The following OSBPL8 variants were observed in gnomAD, a reference collection of about 807,000 sequenced individuals.
OSBPL8 encodes the protein oxysterol-binding protein-related protein 8.
OSBPL8 carries 59 observed loss-of-function variants against 125.5 expected under a neutral mutation model. The ratio of observed to expected loss-of-function variants is 0.47; its 90% CI spans 0.38 to 0.58. The LOEUF (loss-of-function observed/expected upper bound fraction) is 0.58, where lower values mean the gene tolerates loss of function less well. OSBPL8 is among the 20% of genes least tolerant of loss of function. The pLI, the probability that OSBPL8 is intolerant of heterozygous loss-of-function variation, is 0.00. For synonymous variants in OSBPL8, 330 were observed against 338.9 expected (o/e 0.97, Z 0.29); for missense variants, 758 against 1,047.8 (o/e 0.72, Z 3.82).
chr12:76,360,261 T>C (rs1952147692), intron 21 of OSBPL8, among the ~76,000 whole-genome samples: 1 of 152,254 alleles, frequency 6.6e-6, no homozygotes, highest in Non-Finnish European at 1.5e-5. Flanking sequence ...CATGCAAGTC[T>C]GAGATCCAGT....
At chr12:76,449,067 G>A (rs906569589) in intron 4 of OSBPL8, among the ~76,000 whole-genome samples, 3 of 152,064 alleles carry the variant, frequency 2.0e-5, no homozygotes, top group African/African-American at 7.2e-5. Context: ...TTACAAGGTA[G>A]TACTCATTTG....
intron 1 of OSBPL8, among the ~76,000 whole-genome samples, chr12:76,497,319 T>A (rs1879380380): frequency 6.6e-6 from 1 of 151,514 alleles, no homozygotes; most frequent in Non-Finnish European, 1.5e-5. Context: ...CATAGAAAAA[T>A]GAATAAACAA....
At chr12:76,464,662 C>T (rs893125779) in intron 2 of OSBPL8, among the ~76,000 whole-genome samples, 17 of 152,254 alleles carry the variant, frequency 1.1e-4, no homozygotes, top group African/African-American at 4.1e-4. Context: ...CACTGGAAGG[C>T]CACCCTAATA....
chr12:76,470,328 T>C (rs376011649), intron 2 of OSBPL8, among the ~76,000 whole-genome samples: 4 of 152,190 alleles, frequency 2.6e-5, no homozygotes, highest in Non-Finnish European at 5.9e-5. Flanking sequence ...AAATCTGGCC[T>C]AACGAGCCAC....
At chr12:76,390,061 T>C (rs763403748) in intron 11 of OSBPL8, 2 of 403,974 alleles carry the variant, frequency 5.0e-6, no homozygotes, top group Non-Finnish European at 8.7e-6. Context: ...TACAAAAATA[T>C]TATAGCCTAT....
chr12:76,450,612 A>G (rs953993815), intron 4 of OSBPL8, among the ~76,000 whole-genome samples: 4 of 152,120 alleles, frequency 2.6e-5, no homozygotes, highest in Non-Finnish European at 5.9e-5. Flanking sequence ...GCCAAATTAG[A>G]TGAATGATAT....
chr12:76,414,448 T>C (rs1868368554), intron 4 of OSBPL8, among the ~76,000 whole-genome samples: 1 of 139,876 alleles, frequency 7.1e-6, no homozygotes, highest in Non-Finnish European at 1.5e-5. Context: ...TTTATTTTTC[T>C]GGTTTTTTTT....
intron 1 of OSBPL8, among the ~76,000 whole-genome samples, chr12:76,550,614 T>C (rs944373877): frequency 6.6e-6 from 1 of 152,322 alleles, no homozygotes; most frequent in East Asian, 1.9e-4. Context: ...AATCTCCTTA[T>C]GTTTTAAGAA....
chr12:76,438,566 A>G (rs1048748149), intron 4 of OSBPL8, among the ~76,000 whole-genome samples: 1 of 152,068 alleles, frequency 6.6e-6, no homozygotes, highest in South Asian at 2.1e-4. Context: ...TCACTGGCAA[A>G]ATTTGAAATA....
At chr12:76,374,776 A>G (rs900310370) in intron 17 of OSBPL8, among the ~76,000 whole-genome samples, 2 of 152,190 alleles carry the variant, frequency 1.3e-5, no homozygotes, top group Admixed American at 1.3e-4. Flanking sequence ...AGCTATCCCC[A>G]GTATACCCTG....
chr12:76,555,203 T>C (rs1951057362), intron 1 of OSBPL8, among the ~76,000 whole-genome samples: 1 of 152,158 alleles, frequency 6.6e-6, no homozygotes, highest in Admixed American at 6.5e-5. Flanking sequence ...AATGAATAGA[T>C]AAATGACATT....
At chr12:76,460,313 C>T (rs772235160) in intron 2 of OSBPL8, among the ~76,000 whole-genome samples, 1 of 151,846 alleles carries the variant, frequency 6.6e-6, no homozygotes, top group Admixed American at 6.6e-5. Flanking sequence ...TATATAACAC[C>T]CATGCACTAT....
intron 2 of OSBPL8, among the ~76,000 whole-genome samples, chr12:76,463,261 C>A (rs1874967031): frequency 2.0e-5 from 3 of 152,044 alleles, no homozygotes; most frequent in East Asian, 1.9e-4. Context: ...TCCAAATAGA[C>A]CAAATGTGAG....
chr12:76,475,700 T>G lies in OSBPL8; in HGVS notation c.42+11810A>C, dbSNP rs190814540. ...CAAGTCCCCACCCGACCCTAGCCCCTGAACCCGTCCCTGGAGATGGAGAAA... is the reference window on the plus strand; with the variant it reads ...CAAGTCCCCACCCGACCCTAGCCCCGGAACCCGTCCCTGGAGATGGAGAAA... On this transcript the variant is annotated intron_variant, in intron 2 of 23. Coordinates refer to ENST00000261183, the MANE Select transcript of OSBPL8 (RefSeq NM_020841.5). 4.6e-5 allele frequency among the ~76,000 whole-genome samples: 7 copies of G among 151,726 alleles called. No individual in the cohort carries two copies. In the East Asian group the frequency reaches 1.4e-3, roughly 30 times the overall value.
intron 4 of OSBPL8, among the ~76,000 whole-genome samples, chr12:76,426,006 G>A (rs1870107179): frequency 6.6e-6 from 1 of 152,146 alleles, no homozygotes. Flanking sequence ...CTAGGTTTGG[G>A]CTTGCTACTG....
chr12:76,477,014 G>A (rs1340868043), intron 2 of OSBPL8, among the ~76,000 whole-genome samples: 4 of 152,148 alleles, frequency 2.6e-5, no homozygotes, highest in Non-Finnish European at 4.4e-5. Context: ...ACATAAAGCA[G>A]AGTTATAAAA....
In OSBPL8 at chr12:76,386,266, C is replaced by T; in HGVS notation, c.1435G>A (p.Gly479Arg). ...ATAGGATTATAAGGTTTCTTCAGTC[C>T]CTGGTAAAAAAAAAAAAAAGCAATT... The part of the protein sequence containing the change: ...YLSGFYKKPK[G>R]LKKPYNPILG... Residue 479 changes from glycine to arginine, a missense_variant and splice_region_variant, in exon 14 of 24, where the codon GGA becomes AGA. Around this residue, in one of 3 missense-constraint regions of OSBPL8, gnomAD observed 572 missense variants for 762.0 expected, o/e 0.75. Transcript: ENST00000261183. 6.6e-7 allele frequency: 1 copy of T among 1,511,462 alleles called. No individual in the cohort carries two copies. Among genetic ancestry groups the T allele is most frequent in the Non-Finnish European group, 8.8e-7 (1 of 1,139,514 alleles). The allele number at this position is 1,511,462 out of a possible 1,614,324, so 93.6% of individuals were successfully genotyped here.
In OSBPL8 at chr12:76,422,063, T is replaced by C. The variant is rs906213284; in HGVS notation, c.218-11429A>G. Among the ~76,000 whole-genome samples the C allele has an allele frequency of 3.3e-5, 5 of 152,192 alleles. No homozygotes were observed. In the East Asian group the frequency reaches 9.6e-4, roughly 29 times the overall value. On this transcript the variant is annotated intron_variant, in intron 4 of 23. Coordinates refer to ENST00000261183, the MANE Select transcript of OSBPL8 (RefSeq NM_020841.5). ...AGATAAAAAGATTAAGATAATAAAG[T>C]GGTAAGATTAAAGCTTACATTAAAC...
At chr12:76,386,418 ACTT>A (rs1197986677) in intron 13 of OSBPL8, 152 bp from the exon 14 acceptor site, 1 of 1,336,368 alleles carries the variant, frequency 7.5e-7, no homozygotes, top group Non-Finnish European at 9.9e-7. Flanking sequence ...AAATTAAATG[ACTT>A]CAATCATAAT....
Sources: allele counts gnomAD v4.1 joint callset (sites outside exome capture counted in the v4.1 genomes callset), GRCh38; gene constraint gnomAD v4.1.1; regional missense constraint gnomAD v4.1.1; transcripts MANE v1.5; gene names NCBI Gene and HGNC (gene_info 2026-07-23, HGNC 2026-07-21).